The following FMNL2 variants were observed in gnomAD, a reference collection of about 807,000 sequenced individuals.
FMNL2 encodes the protein formin-like protein 2.
FMNL2 carries 51 observed loss-of-function variants against 130.2 expected under a neutral mutation model. The observed-to-expected ratio is 0.39, with a 90% CI of 0.31 to 0.49. FMNL2 has a LOEUF of 0.49. Ranked by LOEUF, FMNL2 falls within the 20% of genes least tolerant of loss-of-function variation. The pLI is 0.85. For missense variants in FMNL2, 977 were observed against 1,316.2 expected, an observed-to-expected ratio of 0.74 and a Z score of 3.99; for synonymous variants, 465 against 467.1, an observed-to-expected ratio of 1.00 and a Z score of 0.06.
In FMNL2 at chr2:152,621,479, G is replaced by A. The variant is rs115635226; in HGVS notation, c.1837+1761G>A. Among the ~76,000 whole-genome samples the A allele has an allele frequency of 7.6e-3, 1,158 of 152,238 alleles. 13 individuals are homozygous for A. The highest frequency in any genetic ancestry group is 0.027 in the African/African-American group (1,103 of 41,530). ...AATATTTTAAGGTGTAGAGCTCTGTGCTTGGCTGATAACCAACTGCTTTTA... is the reference window on the plus strand; with the variant it reads ...AATATTTTAAGGTGTAGAGCTCTGTACTTGGCTGATAACCAACTGCTTTTA... On this transcript the variant is annotated intron_variant, in intron 15 of 25. Transcript: ENST00000288670.
chr2:152,620,461 G>A (rs894018465), intron 15 of FMNL2, among the ~76,000 whole-genome samples: 3 of 152,086 alleles, frequency 2.0e-5, no homozygotes, highest in Admixed American at 6.5e-5. Context: ...CAAAGATGAC[G>A]CTACGAGCCG....
intron 4 of FMNL2, among the ~76,000 whole-genome samples, chr2:152,554,317 G>T (rs1695094953): frequency 6.6e-6 from 1 of 152,188 alleles, no homozygotes; most frequent in Admixed American, 6.5e-5. Flanking sequence ...TGAGGTAGGA[G>T]GATCACTTGA....
intron 10 of FMNL2, among the ~76,000 whole-genome samples, chr2:152,607,947 G>A (rs1010585166): frequency 6.6e-6 from 1 of 152,022 alleles, no homozygotes; most frequent in Non-Finnish European, 1.5e-5. Flanking sequence ...ATCATATTGG[G>A]GCTGTCCTTG....
At chr2:152,573,068 AT>A (rs1391110543) in intron 6 of FMNL2, among the ~76,000 whole-genome samples, 1 of 152,236 alleles carries the variant, frequency 6.6e-6, no homozygotes, top group Admixed American at 6.5e-5. Flanking sequence ...TTTTAAAATG[AT>A]TCTAAAATAT....
chr2:152,380,467 G>A (rs1684399866), intron 1 of FMNL2, among the ~76,000 whole-genome samples: 1 of 152,330 alleles, frequency 6.6e-6, no homozygotes, highest in East Asian at 1.9e-4. Context: ...TTCTTGCCAT[G>A]CTTGTGTCCT....
intron 1 of FMNL2, among the ~76,000 whole-genome samples, chr2:152,375,742 A>G (rs1202996833): frequency 2.0e-5 from 3 of 151,836 alleles, no homozygotes; most frequent in Non-Finnish European, 4.4e-5. Context: ...ACAAATGGAC[A>G]GTTGTATCCT....
intron 6 of FMNL2, among the ~76,000 whole-genome samples, chr2:152,569,636 A>C (rs2105654890): frequency 1.3e-5 from 2 of 149,802 alleles, no homozygotes; most frequent in Middle Eastern, 3.4e-3. Flanking sequence ...TGCGGAGATC[A>C]TGCCACTGCA....
At chr2:152,442,426 A>G (rs1688101606) in intron 1 of FMNL2, among the ~76,000 whole-genome samples, 2 of 151,582 alleles carry the variant, frequency 1.3e-5, no homozygotes, top group East Asian at 1.9e-4. Flanking sequence ...TAATTTTTGT[A>G]TTTTTATGAG....
intron 2 of FMNL2, among the ~76,000 whole-genome samples, chr2:152,524,548 T>C (rs1391932555): frequency 6.6e-6 from 1 of 152,188 alleles, no homozygotes; most frequent in Non-Finnish European, 1.5e-5. Context: ...ATTTAAGGAC[T>C]CTGTGGGGAC....
intron 4 of FMNL2, among the ~76,000 whole-genome samples, chr2:152,551,260 G>T (rs1200812217): frequency 6.6e-6 from 1 of 152,144 alleles, no homozygotes; most frequent in Non-Finnish European, 1.5e-5. Context: ...GAAGAACCTT[G>T]GTTGGGTTGA....
At chr2:152,504,883 C>T (rs1490567994) in intron 1 of FMNL2, among the ~76,000 whole-genome samples, 1 of 152,106 alleles carries the variant, frequency 6.6e-6, no homozygotes, top group East Asian at 1.9e-4. Context: ...AAGGTGAATG[C>T]TGTCATTCAT....
intron 3 of FMNL2, among the ~76,000 whole-genome samples, chr2:152,545,673 C>A (rs990655798): frequency 2.2e-4 from 33 of 152,314 alleles, no homozygotes; most frequent in African/African-American, 7.7e-4. Context: ...GGGCTCATCC[C>A]AGGCCTCCCT....
At chr2:152,457,191 A>G (rs895854194) in intron 1 of FMNL2, among the ~76,000 whole-genome samples, 2 of 152,170 alleles carry the variant, frequency 1.3e-5, no homozygotes, top group Non-Finnish European at 2.9e-5. Context: ...GATGGTAAAA[A>G]AAAAAAAAAG....
intron 1 of FMNL2, among the ~76,000 whole-genome samples, chr2:152,392,079 T>C (rs1685146594): frequency 6.6e-6 from 1 of 152,174 alleles, no homozygotes; most frequent in South Asian, 2.1e-4. Context: ...ATTTTCATAT[T>C]GTTTAAATGA....
At chr2:152,605,786 T>C (rs1698328221) in intron 9 of FMNL2, among the ~76,000 whole-genome samples, 1 of 152,214 alleles carries the variant, frequency 6.6e-6, no homozygotes, top group Non-Finnish European at 1.5e-5. Flanking sequence ...GCTTTGAGAC[T>C]AGGAGGCCCT....
intron 1 of FMNL2, among the ~76,000 whole-genome samples, chr2:152,405,056 G>C (rs1195707179): frequency 6.6e-6 from 1 of 152,206 alleles, no homozygotes; most frequent in African/African-American, 2.4e-5. Context: ...CTGACATGTT[G>C]AGAAAGAAAG....
intron 1 of FMNL2, among the ~76,000 whole-genome samples, chr2:152,493,060 A>T (rs1186138485): frequency 1.3e-5 from 2 of 152,222 alleles, no homozygotes; most frequent in Non-Finnish European, 2.9e-5. Flanking sequence ...TTTAGTTAGC[A>T]AGTGAAATCC....
intron 1 of FMNL2, among the ~76,000 whole-genome samples, chr2:152,482,929 C>T (rs1690613401): frequency 6.6e-6 from 1 of 152,068 alleles, no homozygotes; most frequent in South Asian, 2.1e-4. Context: ...TGTAGGCAGT[C>T]TCTCCTGGGG....
chr2:152,579,625 G>T (rs1696666019), intron 8 of FMNL2, among the ~76,000 whole-genome samples: 1 of 152,190 alleles, frequency 6.6e-6, no homozygotes, highest in Admixed American at 6.5e-5. Context: ...TTGAACCCAG[G>T]AAGTGGAGGT....
Sources: allele counts gnomAD v4.1 joint callset (sites outside exome capture counted in the v4.1 genomes callset), GRCh38; gene constraint gnomAD v4.1.1; transcripts MANE v1.5; gene names NCBI Gene and HGNC (gene_info 2026-07-23, HGNC 2026-07-21).